TASP1: variants seen among roughly 807,000 people sequenced by gnomAD.
TASP1 encodes the protein taspase 1, also known as threonine aspartase 1.
A neutral mutation model predicts 56.6 loss-of-function variants in TASP1; 16 were observed. The observed-to-expected ratio is 0.28, with a 90% CI of 0.19 to 0.43. The LOEUF (loss-of-function observed/expected upper bound fraction) is 0.43. Among genes scored for constraint, TASP1 ranks in the 20% least tolerant of loss-of-function variants. The pLI is 1.00. For synonymous variants in TASP1, 179 were observed against 184.2 expected, an observed-to-expected ratio of 0.97 and a Z score of 0.23; for missense variants, 393 against 511.6, an observed-to-expected ratio of 0.77 and a Z score of 2.24.
chr20:13,572,367 G>A (rs1327825163), intron 6 of TASP1, among the ~76,000 whole-genome samples: 6 of 152,104 alleles, frequency 3.9e-5, no homozygotes, highest in African/African-American at 1.4e-4. Context: ...ACACTCTACT[G>A]AAACCACCAC....
At chr20:13,220,936 G>A in the TASP1 span, among the ~76,000 whole-genome samples, 1 of 150,382 alleles carries the variant, frequency 6.6e-6, no homozygotes, top group Non-Finnish European at 1.5e-5. Context: ...CTCTACCCGC[G>A]CCCGTCACAG....
chr20:13,356,984 T>C, the TASP1 span, among the ~76,000 whole-genome samples: 1 of 152,232 alleles, frequency 6.6e-6, no homozygotes, highest in Non-Finnish European at 1.5e-5. Context: ...CTTGCTCTGT[T>C]AGCCCCTTTT....
the TASP1 span, among the ~76,000 whole-genome samples, chr20:13,116,090 C>T: frequency 1.3e-5 from 2 of 152,178 alleles, no homozygotes; most frequent in East Asian, 1.9e-4. Context: ...AAAACTACCT[C>T]GTGGAACACA....
chr20:13,638,711 GAC>G (rs2049404200), intron 1 of TASP1, among the ~76,000 whole-genome samples, 181 bp downstream of exon 1: 2 of 152,194 alleles, frequency 1.3e-5, no homozygotes, highest in African/African-American at 4.8e-5. Flanking sequence ...GAGCGACCAA[GAC>G]TAGGGAACTA....
the TASP1 span, among the ~76,000 whole-genome samples, chr20:13,361,390 T>C: frequency 5.5e-4 from 84 of 152,244 alleles, no homozygotes; most frequent in Non-Finnish European, 1.0e-3. Context: ...CCGAGCAGTT[T>C]TTCAGGCTCT....
the TASP1 span, among the ~76,000 whole-genome samples, chr20:13,107,384 G>A: frequency 2.8e-3 from 426 of 152,262 alleles, 1 homozygote; most frequent in Middle Eastern, 6.8e-3. Flanking sequence ...GTGGGAAAAG[G>A]AATAAGAAAA....
the TASP1 span, among the ~76,000 whole-genome samples, chr20:13,338,234 C>A: frequency 6.6e-6 from 1 of 152,172 alleles, no homozygotes; most frequent in Non-Finnish European, 1.5e-5. Flanking sequence ...CTTTTTAGAC[C>A]ACATAGGGTA....
the TASP1 span, among the ~76,000 whole-genome samples, chr20:13,214,377 G>A: frequency 1.5e-4 from 23 of 152,224 alleles, no homozygotes; most frequent in Middle Eastern, 3.4e-3. Context: ...ATGTGTCTGC[G>A]ATGAACTGTA....
the TASP1 span, among the ~76,000 whole-genome samples, chr20:13,256,395 C>CAAAAAA: frequency 4.2e-5 from 3 of 71,798 alleles, no homozygotes; most frequent in Non-Finnish European, 5.7e-5. Flanking sequence ...GACCCCGTCT[C>CAAAAAA]AAAAAAAAAA....
chr20:13,594,423 T>C (rs1246124219), intron 4 of TASP1, among the ~76,000 whole-genome samples: 1 of 152,186 alleles, frequency 6.6e-6, no homozygotes, highest in African/African-American at 2.4e-5. Context: ...AATAACAAAC[T>C]TCTCCGAGCT....
At chr20:13,126,575 C>T in the TASP1 span, 7 of 1,612,326 alleles carry the variant, frequency 4.3e-6, no homozygotes, top group Non-Finnish European at 5.9e-6. Context: ...TTTTGGGTTT[C>T]CCCTCTTTAT....
the TASP1 span, among the ~76,000 whole-genome samples, chr20:13,199,664 G>T: frequency 6.6e-6 from 1 of 152,130 alleles, no homozygotes; most frequent in Non-Finnish European, 1.5e-5. Context: ...GTTTAAAACT[G>T]ACTGTGTATT....
chr20:13,411,693 G>T (rs2042099082), intron 13 of TASP1, among the ~76,000 whole-genome samples: 1 of 152,286 alleles, frequency 6.6e-6, no homozygotes, highest in Non-Finnish European at 1.5e-5. Context: ...AAACTCTAGA[G>T]AATTCTCCAT....
intron 1 of TASP1, among the ~76,000 whole-genome samples, chr20:13,635,418 C>T (rs1568678646): frequency 7.1e-6 from 1 of 141,796 alleles, no homozygotes. Context: ...GACACAGTCT[C>T]GCTCTGTTGC....
the TASP1 span, among the ~76,000 whole-genome samples, chr20:13,226,127 A>C: frequency 6.6e-6 from 1 of 152,200 alleles, no homozygotes; most frequent in African/African-American, 2.4e-5. Context: ...CAATAACATT[A>C]AAGCAAACCA....
intron 11 of TASP1, among the ~76,000 whole-genome samples, chr20:13,436,658 G>C (rs1323608140): frequency 1.3e-5 from 2 of 152,158 alleles, no homozygotes; most frequent in African/African-American, 4.8e-5. Context: ...TGAGGTGTAA[G>C]TCTTTATGCT....
At chr20:13,133,540 C>T in the TASP1 span, among the ~76,000 whole-genome samples, 3 of 152,152 alleles carry the variant, frequency 2.0e-5, no homozygotes, top group East Asian at 5.8e-4. Flanking sequence ...TCGAGACCAA[C>T]CTGGCCAACA....
At chr20:13,200,321 G>T in the TASP1 span, among the ~76,000 whole-genome samples, 1 of 152,202 alleles carries the variant, frequency 6.6e-6, no homozygotes, top group Non-Finnish European at 1.5e-5. Flanking sequence ...AAAGGGACCT[G>T]TCCCTTTGAA....
At position 13,433,121 on chromosome 20, in the gene TASP1, C is replaced by G. The variant is rs184274874; in HGVS notation, c.1096+1923G>C. Among the ~76,000 whole-genome samples, 4 of 152,246 alleles carry G rather than the reference C, an allele frequency of 2.6e-5. No individual in the cohort carries two copies. In the East Asian group the frequency reaches 7.7e-4, roughly 29 times the overall value. On this transcript the variant is annotated intron_variant, in intron 12 of 13. Transcript: ENST00000337743. ...AAGTATTTCTCCTAATGCTATCCGT[C>G]ACCTAGCCCCGCACCCCCTGACAAG...
Sources: allele counts gnomAD v4.1 joint callset (sites outside exome capture counted in the v4.1 genomes callset), GRCh38; gene constraint gnomAD v4.1.1; transcripts MANE v1.5; gene names NCBI Gene and HGNC (gene_info 2026-07-23, HGNC 2026-07-21).